The following CAMSAP1 variants were observed in gnomAD, a reference collection of about 807,000 sequenced individuals.
CAMSAP1 encodes the protein calmodulin-regulated spectrin-associated protein 1.
A neutral mutation model predicts 143.5 loss-of-function variants in CAMSAP1; 58 were observed. That is an observed-to-expected ratio of 0.40 (90% CI 0.33 to 0.50). The LOEUF (loss-of-function observed/expected upper bound fraction) is 0.50. Among genes scored for constraint, CAMSAP1 ranks in the 20% least tolerant of loss-of-function variants. The pLI, the probability that CAMSAP1 is intolerant of heterozygous loss-of-function variation, is 0.45. For missense variants in CAMSAP1, 1,969 were observed against 2,115.7 expected (o/e 0.93, Z 1.36); for synonymous variants, 945 against 859.3 (o/e 1.10, Z -1.74).
At chr9:135,884,502 G>A (rs552303044) in intron 1 of CAMSAP1, among the ~76,000 whole-genome samples, 6 of 152,266 alleles carry the variant, frequency 3.9e-5, no homozygotes, top group Middle Eastern at 3.4e-3. Context: ...AGCAGTCACC[G>A]TTTACACAGC....
In CAMSAP1 at chr9:135,907,437, C is replaced by CGCGGGG. The variant is rs1276987166; in HGVS notation, c.-284_-279dup. Among the ~76,000 whole-genome samples, 8 of 142,406 alleles carry CGCGGGG rather than the reference C, an allele frequency of 5.6e-5. No individual in the cohort carries two copies. Among genetic ancestry groups the CGCGGGG allele is most frequent in the African/African-American group, 2.1e-4 (8 of 38,602 alleles). 93.4% of individuals were successfully genotyped at this position (142,406 alleles called of 152,430 possible). ...GGCGCGGGCCGGGGGCGGGGGCGGGCGCGGGGGCGGGAGCGGGCCGGGGGC... is the reference window on the plus strand; with the variant it reads ...GGCGCGGGCCGGGGGCGGGGGCGGGCGCGGGGGCGGGGGCGGGAGCGGGCCGGGGGC... On this transcript the variant is annotated 5_prime_UTR_variant, in exon 1 of 17. Transcript: ENST00000389532.
intron 7 of CAMSAP1, among the ~76,000 whole-genome samples, chr9:135,848,789 A>T (rs1243741119): frequency 1.3e-5 from 2 of 152,242 alleles, no homozygotes; most frequent in African/African-American, 2.4e-5. Context: ...TGCTCTGAGC[A>T]TCCTTTCCCT....
intron 1 of CAMSAP1, among the ~76,000 whole-genome samples, chr9:135,900,855 AGCGATTCGTCT>A (rs1224723002): frequency 1.3e-5 from 2 of 152,000 alleles, no homozygotes; most frequent in African/African-American, 4.8e-5. Flanking sequence ...CCTGGGTTTA[AGCGATTCGTCT>A]GCCTCAGCCT....
In CAMSAP1 at chr9:135,823,096, G is replaced by A. The variant is rs774470190; in HGVS notation, c.1565C>T (p.Thr522Met). Reference protein sequence around the residue: ...TPQNQPHPTATKSHGKSLLSN... With the variant: ...TPQNQPHPTAMKSHGKSLLSN... ...CAGGAGGCTCTTCCCGTGGCTCTTC[G>A]TGGCCGTGGGGTGTGGCTGGTTCTG... Residue 522 changes from threonine (T) to methionine (M), a missense_variant, in exon 11 of 17, where the codon ACG becomes ATG. By Grantham distance (81) the Thr-to-Met change is moderately conservative. Coordinates refer to ENST00000389532, the MANE Select transcript of CAMSAP1 (RefSeq NM_015447.4). 2.0e-5 allele frequency: 32 copies of A among 1,613,842 alleles called. No homozygotes were observed. The Admixed American group carries it at 2.2e-4, about 11-fold the overall frequency.
chr9:135,906,219 A>G (rs1047199586), intron 1 of CAMSAP1, among the ~76,000 whole-genome samples: 2 of 152,342 alleles, frequency 1.3e-5, no homozygotes, highest in African/African-American at 4.8e-5. Flanking sequence ...GTCTTACTCT[A>G]AAAAGGGTAA....
chr9:135,868,091 A>G (rs1303001077), intron 3 of CAMSAP1, among the ~76,000 whole-genome samples: 2 of 152,198 alleles, frequency 1.3e-5, no homozygotes, highest in African/African-American at 2.4e-5. Flanking sequence ...ATCCAGCCGT[A>G]TATTTGGAAA....
intron 3 of CAMSAP1, among the ~76,000 whole-genome samples, chr9:135,868,149 G>C (rs933793687): frequency 3.3e-5 from 5 of 150,926 alleles, no homozygotes; most frequent in Non-Finnish European, 5.9e-5. Flanking sequence ...AAAGCTGAGA[G>C]AATTCAGTAG....
At chr9:135,819,183 C>A (rs770047638) in intron 11 of CAMSAP1, 37 bp from the exon 12 acceptor site, 3 of 1,576,806 alleles carry the variant, frequency 1.9e-6, no homozygotes, top group African/African-American at 1.4e-5. Context: ...TGACAGGAAC[C>A]CCCTCAGACG....
At chr9:135,864,591 ACT>A (rs1180288811) in intron 4 of CAMSAP1, among the ~76,000 whole-genome samples, 7 of 152,114 alleles carry the variant, frequency 4.6e-5, no homozygotes, top group African/African-American at 1.4e-4. Context: ...GGCACCAAGT[ACT>A]CTCTCCCCAG....
At chr9:135,867,421 G>A (rs1218713846) in intron 3 of CAMSAP1, among the ~76,000 whole-genome samples, 1 of 150,968 alleles carries the variant, frequency 6.6e-6, no homozygotes, top group Non-Finnish European at 1.5e-5. Context: ...GAGGCACGAA[G>A]ATCACTTGAG....
At chr9:135,876,351 C>T (rs1172801800) in intron 3 of CAMSAP1, among the ~76,000 whole-genome samples, 1 of 152,160 alleles carries the variant, frequency 6.6e-6, no homozygotes, top group Non-Finnish European at 1.5e-5. Context: ...CCCTTGATTC[C>T]CAAATACATA....
Position 135,822,299 on chromosome 9 carries a change from C to A in CAMSAP1, c.2362G>T (p.Ala788Ser). Residue 788 changes from alanine to serine, a missense_variant, in exon 11 of 17, where the codon GCC becomes TCC. Physicochemically the swap from Ala to Ser is moderately conservative, Grantham distance 99 (BLOSUM62 1). Transcript: ENST00000389532. The surrounding 1 kb of genome is among the most constrained non-coding windows in gnomAD (Gnocchi z 6.1). ...KVKEHEDKDD[A>S]SGRSSPCLST... ...AGGCAGGGGCTCGAGCGGCCGCTGG[C>A]GTCATCTTTGTCTTCATGTTCCTTC... is the stretch of plus-strand genomic sequence containing the variant. The A allele has an allele frequency of 6.2e-7, 1 of 1,613,996 alleles. No homozygotes were observed. Among genetic ancestry groups the A allele is most frequent in the South Asian group, 1.1e-5 (1 of 91,080 alleles).
chr9:135,824,152 C>T lies in CAMSAP1; in HGVS notation c.1316-118G>A. The T allele has an allele frequency of 1.2e-6, 1 of 831,404 alleles. No individual in the cohort carries two copies. Among genetic ancestry groups the T allele is most frequent in the Non-Finnish European group, 2.0e-6 (1 of 506,266 alleles). 51.5% of individuals were successfully genotyped at this position (831,404 alleles called of 1,614,324 possible). On this transcript the variant is annotated intron_variant, in intron 9 of 16. Transcript: ENST00000389532. This position sits in a 1 kb window ranked among gnomAD's most constrained non-coding sequence, Gnocchi z 4.1. ...TCAAGTCAGTACACCAGAAGGGCCG[C>T]ATGGAAAGCAGAGAGGCAAAACCAT...
chr9:135,872,268 G>A (rs1837593013), intron 3 of CAMSAP1, among the ~76,000 whole-genome samples: 2 of 152,180 alleles, frequency 1.3e-5, no homozygotes, highest in African/African-American at 4.8e-5. Flanking sequence ...CAGCACAGCT[G>A]GGGTAGAATG....
chr9:135,838,863 C>T (rs957089592), intron 7 of CAMSAP1, among the ~76,000 whole-genome samples: 1 of 150,354 alleles, frequency 6.7e-6, no homozygotes, highest in Non-Finnish European at 1.5e-5. Flanking sequence ...CATTCTGTAG[C>T]CACACGTTCG....
intron 1 of CAMSAP1, among the ~76,000 whole-genome samples, chr9:135,887,937 C>A (rs1389568764): frequency 6.6e-6 from 1 of 152,180 alleles, no homozygotes; most frequent in South Asian, 2.1e-4. Flanking sequence ...GGGCAGGCCT[C>A]GGCGGGAGCC....
At chr9:135,884,670 T>C (rs145921752) in intron 1 of CAMSAP1, among the ~76,000 whole-genome samples, 3 of 152,236 alleles carry the variant, frequency 2.0e-5, no homozygotes, top group Admixed American at 6.5e-5. Context: ...TCTGAAATCA[T>C]TGGAACTTTT....
At chr9:135,846,378 A>T (rs994564386) in intron 7 of CAMSAP1, among the ~76,000 whole-genome samples, 1 of 152,202 alleles carries the variant, frequency 6.6e-6, no homozygotes, top group Non-Finnish European at 1.5e-5. Flanking sequence ...AAATTAACTC[A>T]AGACAGATTA....
At chr9:135,862,435 G>A (rs1255244643) in intron 5 of CAMSAP1, 32 bp downstream of exon 5, 42 of 1,544,798 alleles carry the variant, frequency 2.7e-5, no homozygotes, top group South Asian at 3.6e-5. Context: ...AAGCCTTTTC[G>A]GATCTGTTTC....
Sources: gnomAD v4.1 joint callset for allele counts (sites outside exome capture counted in the v4.1 genomes callset) on GRCh38, gnomAD v4.1.1 for gene constraint, Gnocchi (gnomAD v3.1) non-coding constraint, MANE v1.5 for transcripts, NCBI Gene and HGNC (gene_info 2026-07-23, HGNC 2026-07-21) for gene names.